The following SLC4A4 variants were observed in gnomAD, a reference collection of about 807,000 sequenced individuals.
SLC4A4 encodes the protein electrogenic sodium bicarbonate cotransporter 1.
A neutral mutation model predicts 111.5 loss-of-function variants in SLC4A4; 27 were observed. The ratio of observed to expected loss-of-function variants is 0.24; its 90% CI spans 0.18 to 0.33. The LOEUF is 0.33. Ranked by LOEUF, SLC4A4 falls within the 10% of genes least tolerant of loss-of-function variation. SLC4A4 has a pLI of 1.00. For synonymous variants in SLC4A4, 443 were observed against 463.4 expected (o/e 0.96, Z 0.57); for missense variants, 909 against 1,315.5 (o/e 0.69, Z 4.78).
At position 71,484,063 on chromosome 4, in the gene SLC4A4, C is replaced by T. The variant is rs142031356; in HGVS notation, c.1904-2885C>T. Among the ~76,000 whole-genome samples the T allele has an allele frequency of 5.8e-3, 886 of 151,828 alleles. 36 individuals are homozygous for T. The highest frequency in any genetic ancestry group is 1.6e-3 in the Non-Finnish European group (108 of 67,878). The stretch of plus-strand genomic sequence containing the variant: ...AATTTGCTTAAGTTCCTTATAGATA[C>T]TGGATATTAGGCCTTTGTCAGATGC... On this transcript the variant is annotated intron_variant, in intron 14 of 25. Transcript: ENST00000264485.
chr4:71,448,815 G>A (rs575961875), intron 9 of SLC4A4, among the ~76,000 whole-genome samples: 2 of 152,126 alleles, frequency 1.3e-5, no homozygotes, highest in South Asian at 4.2e-4. Flanking sequence ...TGGAGAAAGG[G>A]GTACCTTTCT....
intron 2 of SLC4A4, among the ~76,000 whole-genome samples, chr4:71,094,440 G>A (rs1290208374): frequency 1.3e-5 from 2 of 152,104 alleles, no homozygotes. Flanking sequence ...TAGGCCTCCT[G>A]CTTATTGTGA....
intron 2 of SLC4A4, among the ~76,000 whole-genome samples, chr4:71,157,341 G>A (rs917161916): frequency 6.6e-5 from 10 of 151,956 alleles, no homozygotes; most frequent in Admixed American, 6.6e-5. Flanking sequence ...TCATATAAAA[G>A]TAATACATAT....
At chr4:71,238,492 G>C (rs1184186056) in intron 2 of SLC4A4, among the ~76,000 whole-genome samples, 7 of 152,204 alleles carry the variant, frequency 4.6e-5, no homozygotes, top group Admixed American at 2.0e-4. Context: ...TTGGTTTTGT[G>C]ATGATTAAAC....
At chr4:71,272,496 A>C (rs960302304) in intron 3 of SLC4A4, among the ~76,000 whole-genome samples, 1 of 152,178 alleles carries the variant, frequency 6.6e-6, no homozygotes. Flanking sequence ...CCATTGTACT[A>C]GAGGGCGTCA....
chr4:71,243,189 A>G (rs936015770), intron 2 of SLC4A4, among the ~76,000 whole-genome samples: 1 of 152,192 alleles, frequency 6.6e-6, no homozygotes, highest in Non-Finnish European at 1.5e-5. Flanking sequence ...TCTGCGAGTG[A>G]GAAGGATTCA....
intron 6 of SLC4A4, among the ~76,000 whole-genome samples, chr4:71,375,836 A>G (rs376163970): frequency 6.6e-6 from 1 of 152,026 alleles, no homozygotes; most frequent in Non-Finnish European, 1.5e-5. Flanking sequence ...TCATGCTACA[A>G]TGACGGAGTA....
chr4:71,152,015 C>T (rs1002729049), intron 2 of SLC4A4, among the ~76,000 whole-genome samples: 1 of 151,560 alleles, frequency 6.6e-6, no homozygotes, highest in Non-Finnish European at 1.5e-5. Flanking sequence ...CAGAGCAAAA[C>T]CCTCTCAAAA....
At chr4:71,275,496 C>T (rs367973554) in intron 3 of SLC4A4, among the ~76,000 whole-genome samples, 14 of 152,290 alleles carry the variant, frequency 9.2e-5, no homozygotes, top group African/African-American at 2.2e-4. Context: ...GATGGTTAAA[C>T]GTAGGATAGA....
chr4:71,307,211 A>G (rs1018207049), intron 3 of SLC4A4, among the ~76,000 whole-genome samples: 4 of 152,212 alleles, frequency 2.6e-5, no homozygotes, highest in African/African-American at 9.6e-5. Context: ...GGAACTTACT[A>G]CAGTAGCTTC....
At chr4:71,129,580 G>A (rs1743647299) in intron 2 of SLC4A4, among the ~76,000 whole-genome samples, 2 of 151,958 alleles carry the variant, frequency 1.3e-5, no homozygotes, top group Non-Finnish European at 2.9e-5. Context: ...AACTCAAAAT[G>A]GCATTACCAT....
chr4:71,239,126 CAG>C (rs1343738553), intron 2 of SLC4A4, among the ~76,000 whole-genome samples: 2 of 152,116 alleles, frequency 1.3e-5, no homozygotes, highest in African/African-American at 4.8e-5. Flanking sequence ...TTTTAAGGGT[CAG>C]AATTCAAAAG....
At chr4:71,230,574 G>A (rs1719350206) in intron 1 of SLC4A4, among the ~76,000 whole-genome samples, 1 of 152,172 alleles carries the variant, frequency 6.6e-6, no homozygotes, top group Non-Finnish European at 1.5e-5. Context: ...TACAAGATTA[G>A]CTAATAAACT....
chr4:71,268,887 T>G (rs1053907041), intron 3 of SLC4A4, among the ~76,000 whole-genome samples: 1 of 152,244 alleles, frequency 6.6e-6, no homozygotes, highest in African/African-American at 2.4e-5. Flanking sequence ...GCAAAATGTT[T>G]TATTTTTGTG....
At position 71,569,709 on chromosome 4, in the gene SLC4A4, G is replaced by C. The variant is rs968298401; in HGVS notation, c.*1958G>C. ...TTTGGTTTGATAATATGCACTTATT[G>C]ACTCCCACTCATTGTTATGTTAATT... On this transcript the variant is annotated 3_prime_UTR_variant, in exon 26 of 26. Transcript: ENST00000264485. The C allele has an allele frequency of 6.6e-6, 1 of 151,526 alleles. No individual in the cohort carries two copies. Among genetic ancestry groups the C allele is most frequent in the Non-Finnish European group, 1.5e-5 (1 of 67,732 alleles). The allele number at this position is 151,526 out of a possible 1,614,324, so 9.4% of individuals were successfully genotyped here.
At chr4:71,497,772 C>T (rs955179109) in intron 16 of SLC4A4, 80 bp downstream of exon 16, 1 of 1,186,300 alleles carries the variant, frequency 8.4e-7, no homozygotes, top group Non-Finnish European at 1.3e-6. Context: ...GTGAAAAAGG[C>T]ACCTGTAATT....
intron 3 of SLC4A4, among the ~76,000 whole-genome samples, chr4:71,295,443 T>C (rs983426111): frequency 1.3e-5 from 2 of 152,216 alleles, no homozygotes; most frequent in African/African-American, 4.8e-5. Context: ...AGGTTTTACC[T>C]TGATTTTCCT....
At chr4:71,409,622 G>A (rs767930410) in intron 7 of SLC4A4, among the ~76,000 whole-genome samples, 2 of 152,182 alleles carry the variant, frequency 1.3e-5, no homozygotes, top group Non-Finnish European at 2.9e-5. Flanking sequence ...TAAAAGTTCC[G>A]AAAATTTGCA....
chr4:71,102,661 A>G (rs1742790489), intron 2 of SLC4A4, among the ~76,000 whole-genome samples: 1 of 150,456 alleles, frequency 6.6e-6, no homozygotes, highest in Admixed American at 6.6e-5. Flanking sequence ...TTTCATATCC[A>G]GCCAAACTAA....
Sources: allele counts gnomAD v4.1 joint callset (sites outside exome capture counted in the v4.1 genomes callset), GRCh38; gene constraint gnomAD v4.1.1; transcripts MANE v1.5; gene names NCBI Gene and HGNC (gene_info 2026-07-23, HGNC 2026-07-21).